The following SPAG1 variants were observed in gnomAD, a reference collection of about 807,000 sequenced individuals.
The protein encoded by SPAG1 is sperm associated antigen 1, also known as sperm-associated antigen 1.
Under a neutral mutation model 100.5 loss-of-function variants are expected in SPAG1, and 69 were observed. The observed-to-expected ratio is 0.69, with a 90% CI of 0.57 to 0.84. The LOEUF is 0.84. SPAG1 is among the 40% of genes least tolerant of loss of function. SPAG1 has a pLI of 0.00. For synonymous variants in SPAG1, 336 were observed against 411.6 expected (o/e 0.82, Z 2.22); for missense variants, 955 against 1,133.1 (o/e 0.84, Z 2.26).
rs541887063 is a variant in SPAG1, at chr8:100,236,711, A to G, written c.2116-2529A>G. ...TCTTTGTAAGAAAAGATCACTGAAC[A>G]TTTTGCTTTTATTTACAATTTATTT... On this transcript the variant is annotated intron_variant, in intron 16 of 18. Transcript: ENST00000388798. Among the ~76,000 whole-genome samples the G allele has an allele frequency of 7.2e-4, 110 of 152,270 alleles. No homozygotes were observed. The Middle Eastern group carries it at 0.01, about 14-fold the overall frequency.
At chr8:100,168,602 G>T (rs1397880925) in intron 3 of SPAG1, among the ~76,000 whole-genome samples, 3 of 149,052 alleles carry the variant, frequency 2.0e-5, no homozygotes, top group Admixed American at 6.8e-5. Flanking sequence ...GCTTCACTAT[G>T]TTGTCCAGGC....
rs536206422 is a variant in SPAG1 at position 100,184,295 on chromosome 8, T to G, written c.595+233T>G. ...CCTATTTTTCTTACTGTAATTCATT[T>G]GTTTTTAATTCCTTTTTTCCAATCC... On this transcript the variant is annotated intron_variant, in intron 6 of 18. Transcript: ENST00000388798. Among the ~76,000 whole-genome samples, 8 of 152,294 alleles carry G rather than the reference T, an allele frequency of 5.3e-5. No individual in the cohort carries two copies. In the East Asian group the frequency reaches 1.5e-3, roughly 29 times the overall value.
In SPAG1 at chr8:100,241,537, A is replaced by C. The variant is rs1300117454; in HGVS notation, c.*515A>C. 6.6e-6 allele frequency: 1 copy of C among 152,268 alleles called. No individual in the cohort carries two copies. Among genetic ancestry groups the C allele is most frequent in the East Asian group, 1.9e-4 (1 of 5,190 alleles). 9.4% of individuals were successfully genotyped at this position (152,268 alleles called of 1,614,324 possible). ...AGTCTATAACATGAAATGATTATTA[A>C]ATTGTTTATTAATTTAGAGCTATAA... On this transcript the variant is annotated 3_prime_UTR_variant, in exon 19 of 19. Transcript: ENST00000388798. This position sits in a 1 kb window ranked among gnomAD's most constrained non-coding sequence, Gnocchi z 5.1.
At chr8:100,190,221 G>A (rs1405436420) in intron 8 of SPAG1, among the ~76,000 whole-genome samples, 1 of 151,456 alleles carries the variant, frequency 6.6e-6, no homozygotes, top group Non-Finnish European at 1.5e-5. Context: ...ACTGAGGCAG[G>A]AGAATCGCTT....
chr8:100,212,754 C>G (rs916930776), intron 10 of SPAG1, among the ~76,000 whole-genome samples: 1 of 152,230 alleles, frequency 6.6e-6, no homozygotes, highest in Non-Finnish European at 1.5e-5. Context: ...ATTTTGTAAG[C>G]TCACCTGGAC....
intron 15 of SPAG1, 41 bp from the exon 16 acceptor site, chr8:100,233,370 C>G: frequency 6.2e-7 from 1 of 1,608,398 alleles, no homozygotes; most frequent in South Asian, 1.1e-5. Context: ...GATAGCCAAT[C>G]TTTACCTTTC....
intron 10 of SPAG1, among the ~76,000 whole-genome samples, chr8:100,210,943 C>T (rs1183130707): frequency 6.6e-6 from 1 of 151,990 alleles, no homozygotes. Flanking sequence ...ATTCTCCTGC[C>T]TCAGCCTTTT....
At chr8:100,193,708 C>T (rs994039427) in intron 9 of SPAG1, among the ~76,000 whole-genome samples, 1 of 152,086 alleles carries the variant, frequency 6.6e-6, no homozygotes, top group Non-Finnish European at 1.5e-5. Context: ...CTTGATCCCA[C>T]CGTTTGAGAC....
Position 100,213,389 on chromosome 8 carries a change from G to C in SPAG1, c.1396G>C (p.Gly466Arg). The change falls in exon 11 of 19, where the codon GGC becomes CGC. Residue 466 changes from glycine (G) to arginine (R), a missense_variant. By Grantham distance (125) the Gly-to-Arg change is moderately radical (BLOSUM62 -2). Coordinates refer to ENST00000388798, the MANE Select transcript of SPAG1 (RefSeq NM_003114.5). ...FRSGQFAEAA[G>R]KYSAAIALLE... ...AAGCGGGCAGTTCGCCGAGGCGGCC[G>C]GCAAGTACTCGGCGGCAATCGCGCT... 1 of 1,449,728 alleles carries C rather than the reference G, an allele frequency of 6.9e-7. No individual in the cohort carries two copies. Among genetic ancestry groups the C allele is most frequent in the Admixed American group, 2.6e-5 (1 of 39,102 alleles). 89.8% of individuals were successfully genotyped at this position (1,449,728 alleles called of 1,614,324 possible). A position where few individuals can be genotyped will look rare whatever the true frequency, so the allele number is the denominator to read the frequency against.
chr8:100,194,998 C>G (rs900192623), intron 10 of SPAG1, among the ~76,000 whole-genome samples: 1 of 151,874 alleles, frequency 6.6e-6, no homozygotes, highest in Non-Finnish European at 1.5e-5. Flanking sequence ...AACCCTGTCT[C>G]TACTCCAAAT....
In SPAG1 at chr8:100,184,628, G is replaced by C. The variant is rs35305781; in HGVS notation, c.596G>C (p.Gly199Ala). The C allele has an allele frequency of 1.3e-3, 1,990 of 1,546,698 alleles. 24 individuals carry two copies. In the African/African-American group the frequency reaches 0.023, roughly 18 times the overall value. Residue 199 changes from glycine to alanine, a missense_variant and splice_region_variant, in exon 7 of 19, where the codon GGT (glycine) becomes GCT (alanine). Coordinates refer to ENST00000388798, the MANE Select transcript of SPAG1 (RefSeq NM_003114.5). ...SKIETRIDTAGLTEKEKDFLA... is the reference protein window; with the variant it reads ...SKIETRIDTAALTEKEKDFLA... ...TATAGCAGATAACATTTATTTCTAG[G>C]TCTAACTGAGAAAGAAAAGGATTTT...
At chr8:100,161,703 A>G (rs1041722205) in intron 1 of SPAG1, among the ~76,000 whole-genome samples, 1 of 152,202 alleles carries the variant, frequency 6.6e-6, no homozygotes, top group Non-Finnish European at 1.5e-5. Context: ...AGGAGACAAG[A>G]TAAGGGTAAT....
rs1164525812 is a variant in SPAG1 at position 100,241,639 on chromosome 8, T to C, written c.*617T>C. The C allele has an allele frequency of 6.6e-6, 1 of 152,172 alleles. No homozygotes were observed. Among genetic ancestry groups the C allele is most frequent in the East Asian group, 1.9e-4 (1 of 5,204 alleles). 9.4% of individuals were successfully genotyped at this position (152,172 alleles called of 1,614,324 possible). ...AAATTGCCAAAAATTTCTACCACTT[T>C]TTACTAGATTTTAAAAAGCTACTTT... is the stretch of plus-strand genomic sequence containing the variant. On this transcript the variant is annotated 3_prime_UTR_variant, in exon 19 of 19. Transcript: ENST00000388798. The surrounding 1 kb of genome is among the most constrained non-coding windows in gnomAD (Gnocchi z 5.1).
intron 3 of SPAG1, among the ~76,000 whole-genome samples, chr8:100,167,037 A>G (rs1288377939): frequency 6.6e-6 from 1 of 152,080 alleles, no homozygotes; most frequent in Non-Finnish European, 1.5e-5. Flanking sequence ...AACAGTGTAT[A>G]AGAATGCCCA....
intron 13 of SPAG1, among the ~76,000 whole-genome samples, chr8:100,222,441 A>G (rs921017099): frequency 2.6e-5 from 4 of 152,182 alleles, no homozygotes; most frequent in African/African-American, 9.7e-5. Flanking sequence ...GACGTCCTCA[A>G]TAAAAATGAG....
At chr8:100,187,816 T>C (rs909063389) in intron 8 of SPAG1, among the ~76,000 whole-genome samples, 7 of 152,352 alleles carry the variant, frequency 4.6e-5, no homozygotes, top group South Asian at 4.1e-4. Flanking sequence ...TCTTTGTGGA[T>C]ATTTCCACCT....
At chr8:100,170,652 ATTGC>A (rs1483791788) in intron 3 of SPAG1, among the ~76,000 whole-genome samples, 1 of 152,020 alleles carries the variant, frequency 6.6e-6, no homozygotes, top group African/African-American at 2.4e-5. Flanking sequence ...TATTTATCTA[ATTGC>A]TTTTTCATAT....
chr8:100,167,143 C>T (rs915719824), intron 3 of SPAG1, among the ~76,000 whole-genome samples: 59 of 151,948 alleles, frequency 3.9e-4, no homozygotes, highest in Non-Finnish European at 5.9e-5. Flanking sequence ...TACAGAGAGA[C>T]CTGGTTTCTT....
At chr8:100,158,947 T>A (rs1300825796) in intron 1 of SPAG1, 1 of 150,418 alleles carries the variant, frequency 6.6e-6, no homozygotes, top group Non-Finnish European at 1.5e-5. Context: ...CTTTCTCCCC[T>A]TCTCACTACT....
Sources: gnomAD v4.1 joint callset for allele counts (sites outside exome capture counted in the v4.1 genomes callset) on GRCh38, gnomAD v4.1.1 for gene constraint, Gnocchi (gnomAD v3.1) non-coding constraint, MANE v1.5 for transcripts, NCBI Gene and HGNC (gene_info 2026-07-23, HGNC 2026-07-21) for gene names.